Variants in GLIS3 observed in about 807,000 individuals in gnomAD.
GLIS3 encodes GLIS family zinc finger 3, also known as zinc finger protein GLIS3.
GLIS3 carries 53 observed loss-of-function variants against 78.6 expected under a neutral mutation model. That is an observed-to-expected ratio of 0.67 (90% CI 0.54 to 0.85). The LOEUF (loss-of-function observed/expected upper bound fraction) is 0.85. GLIS3 is among the 40% of genes least tolerant of loss of function. The probability of loss-of-function intolerance (pLI) is 0.00; values close to 1 mark genes in which losing one functional copy is unlikely to be tolerated. For missense variants in GLIS3, 1,703 were observed against 1,231.1 expected (o/e 1.38, Z -5.74); for synonymous variants, 684 against 509.9 (o/e 1.34, Z -4.60).
At chr9:3,876,693 G>GGGAGGGGAA (rs143762391) in intron 8 of GLIS3, among the ~76,000 whole-genome samples, 1 of 464 alleles carries the variant, frequency 2.2e-3, no homozygotes, top group Non-Finnish European at 3.4e-3. Flanking sequence ...AAGGGAGGGA[G>GGGAGGGGAA]GGGAGGGAGG....
chr9:4,408,650 C>T, the GLIS3 span, among the ~76,000 whole-genome samples: 9 of 142,074 alleles, frequency 6.3e-5, no homozygotes, highest in South Asian at 9.3e-4. Flanking sequence ...TGGCGTGAAC[C>T]CGGGAGGCGG....
chr9:4,093,961 G>A (rs187297283), intron 4 of GLIS3, among the ~76,000 whole-genome samples: 5 of 152,138 alleles, frequency 3.3e-5, no homozygotes, highest in African/African-American at 1.2e-4. Context: ...TCGATAATTT[G>A]CTGCTGTCTA....
intron 7 of GLIS3, among the ~76,000 whole-genome samples, chr9:3,882,930 C>G (rs1036230375): frequency 2.6e-5 from 4 of 152,186 alleles, no homozygotes; most frequent in Non-Finnish European, 1.5e-5. Flanking sequence ...GCCTGTAAGT[C>G]AGTGTCTACA....
chr9:4,206,096 C>A (rs933848004), intron 2 of GLIS3, among the ~76,000 whole-genome samples: 1 of 152,006 alleles, frequency 6.6e-6, no homozygotes, highest in African/African-American at 2.4e-5. Flanking sequence ...GGTACAAGAT[C>A]CCCCCATTTT....
chr9:4,087,898 G>C (rs902538276), intron 4 of GLIS3, among the ~76,000 whole-genome samples: 6 of 152,078 alleles, frequency 3.9e-5, no homozygotes, highest in Non-Finnish European at 7.4e-5. Flanking sequence ...CCATACCTTG[G>C]TTACCTCACT....
intron 2 of GLIS3, among the ~76,000 whole-genome samples, chr9:4,334,480 T>G (rs1274015684): frequency 6.6e-6 from 1 of 152,180 alleles, no homozygotes; most frequent in South Asian, 2.1e-4. Flanking sequence ...AAATGCATGT[T>G]CATTAATCAG....
intron 4 of GLIS3, among the ~76,000 whole-genome samples, chr9:4,087,997 A>G (rs1829187363): frequency 1.3e-5 from 2 of 152,246 alleles, no homozygotes; most frequent in African/African-American, 4.8e-5. Context: ...TCCACATGTC[A>G]TTCATGCACT....
the GLIS3 span, among the ~76,000 whole-genome samples, chr9:4,403,933 T>A: frequency 1.3e-5 from 2 of 152,082 alleles, no homozygotes; most frequent in Admixed American, 6.6e-5. Flanking sequence ...AGAGAGTGAC[T>A]GAATGGATGA....
chr9:4,364,676 CTTTT>C, the GLIS3 span, among the ~76,000 whole-genome samples: 6 of 115,844 alleles, frequency 5.2e-5, no homozygotes, highest in African/African-American at 1.9e-4. Context: ...TAATGCTTAT[CTTTT>C]TATTTTCTTC....
intron 2 of GLIS3, among the ~76,000 whole-genome samples, chr9:4,180,984 G>C (rs1817270292): frequency 2.0e-5 from 3 of 152,072 alleles, no homozygotes; most frequent in South Asian, 4.1e-4. Context: ...GGGAACAAGG[G>C]GCTAACAAAT....
In GLIS3 at chr9:4,061,129, A is replaced by C. The variant is rs904278164; in HGVS notation, c.1710+56639T>G. Among the ~76,000 whole-genome samples the C allele has an allele frequency of 5.9e-5, 9 of 151,808 alleles. No individual in the cohort carries two copies. The Middle Eastern group carries it at 0.01, about 172-fold the overall frequency. Reference sequence around the variant, plus strand: ...TGTGCACAACGTGCAGGTTTGTTACATATGTATACATGTGCCATGTTGGTG... The same window carrying C: ...TGTGCACAACGTGCAGGTTTGTTACCTATGTATACATGTGCCATGTTGGTG... On this transcript the variant is annotated intron_variant, in intron 4 of 10. Coordinates refer to ENST00000381971, the MANE Select transcript of GLIS3 (RefSeq NM_001042413.2).
In GLIS3 at chr9:4,090,774, T is replaced by C. The variant is rs538659324; in HGVS notation, c.1710+26994A>G. 1.6e-4 allele frequency among the ~76,000 whole-genome samples: 25 copies of C among 152,300 alleles called. No individual in the cohort carries two copies. The East Asian group carries it at 4.1e-3, about 25-fold the overall frequency. ...GCTTAAGCACGTGAAGTGGTAAACA[T>C]AGCACAAAACACACCCTCTGTCAAC... On this transcript the variant is annotated intron_variant, in intron 4 of 10. Transcript: ENST00000381971.
intron 4 of GLIS3, among the ~76,000 whole-genome samples, chr9:4,096,864 T>A (rs552094776): frequency 1.2e-4 from 18 of 151,626 alleles, no homozygotes; most frequent in Non-Finnish European, 2.7e-4. Flanking sequence ...ATACAGAAAT[T>A]AACCAGGCAC....
At chr9:3,921,945 C>CACACACACACACAG (rs1460175732) in intron 6 of GLIS3, among the ~76,000 whole-genome samples, 1 of 152,000 alleles carries the variant, frequency 6.6e-6, no homozygotes, top group Non-Finnish European at 1.5e-5. Context: ...CACACACACA[C>CACACACACACACAG]ACTCACACTT....
At chr9:4,401,238 G>T in the GLIS3 span, among the ~76,000 whole-genome samples, 1 of 152,014 alleles carries the variant, frequency 6.6e-6, no homozygotes, top group African/African-American at 2.4e-5. Flanking sequence ...TGACAGAAGA[G>T]ATCTTGGGTT....
chr9:4,330,188 G>A (rs1291463056), intron 2 of GLIS3, among the ~76,000 whole-genome samples: 4 of 152,166 alleles, frequency 2.6e-5, no homozygotes, highest in African/African-American at 7.2e-5. Flanking sequence ...TGTGATGTCT[G>A]GATTTTGCCA....
chr9:4,229,261 T>G (rs1261330029), intron 2 of GLIS3, among the ~76,000 whole-genome samples: 2 of 152,250 alleles, frequency 1.3e-5, no homozygotes, highest in African/African-American at 4.8e-5. Context: ...GCTTTCACTT[T>G]GTGCAAAAAT....
chr9:4,472,307 C>T, the GLIS3 span, among the ~76,000 whole-genome samples: 2 of 152,150 alleles, frequency 1.3e-5, no homozygotes, highest in Non-Finnish European at 2.9e-5. Context: ...CACATGCACA[C>T]ATATGTTTAT....
intron 6 of GLIS3, among the ~76,000 whole-genome samples, chr9:3,914,940 C>G (rs1588215716): frequency 6.6e-6 from 1 of 152,208 alleles, no homozygotes; most frequent in Admixed American, 6.5e-5. Flanking sequence ...TTATTTTCGT[C>G]AATGCACAGA....
Sources: gnomAD v4.1 joint callset for allele counts (sites outside exome capture counted in the v4.1 genomes callset) on GRCh38, gnomAD v4.1.1 for gene constraint, MANE v1.5 for transcripts, NCBI Gene and HGNC (gene_info 2026-07-23, HGNC 2026-07-21) for gene names.